Variants in IFT46 observed in about 807,000 individuals in gnomAD.
IFT46 encodes the protein intraflagellar transport 46.
IFT46 carries 19 observed loss-of-function variants against 39.6 expected under a neutral mutation model. The ratio of observed to expected loss-of-function variants is 0.48; its 90% CI spans 0.33 to 0.70. The LOEUF (loss-of-function observed/expected upper bound fraction) is 0.70. Ranked by LOEUF, IFT46 falls within the 30% of genes least tolerant of loss-of-function variation. The pLI is 0.01. For missense variants in IFT46, 334 were observed against 364.8 expected, an observed-to-expected ratio of 0.92 and a Z score of 0.69; for synonymous variants, 117 against 134.8, an observed-to-expected ratio of 0.87 and a Z score of 0.91.
At chr11:118,561,442 C>A (rs868940491) in intron 2 of IFT46, 8 of 797,116 alleles carry the variant, frequency 1.0e-5, no homozygotes, top group Non-Finnish European at 1.5e-5. Context: ...AGAATCCAGT[C>A]TATGAAAAGA....
At chr11:118,575,554 C>T (rs542559496), upstream of IFT46, among the ~76,000 whole-genome samples, 117 of 152,190 alleles carry the variant, frequency 7.7e-4, no homozygotes, top group Non-Finnish European at 1.3e-3. Flanking sequence ...TTATTGTAAT[C>T]TTCTCTCTGA....
chr11:118,561,969 T>C (rs1439736530), intron 2 of IFT46, among the ~76,000 whole-genome samples: 1 of 151,984 alleles, frequency 6.6e-6, no homozygotes, highest in African/African-American at 2.4e-5. Flanking sequence ...TGAAACCCTG[T>C]CTCTACAAAA....
intron 2 of IFT46, chr11:118,561,480 G>C: frequency 1.3e-6 from 1 of 784,288 alleles, no homozygotes; most frequent in East Asian, 2.5e-5. Context: ...AAAAAGAATA[G>C]GTGGAACTGT....
rs781995934 is a variant in IFT46, at chr11:118,555,077, T to G, written c.267A>C (p.Thr89=). ...KELFQYISRY[T]PQLIDLDHKL... Reference sequence around the variant, plus strand: ...TGTGGTCCAGGTCAATCAACTGAGGTGTGTACCTAGGAGATATTGCCAAGG... The same window carrying G: ...TGTGGTCCAGGTCAATCAACTGAGGGGTGTACCTAGGAGATATTGCCAAGG... Residue 89 remains threonine (T), a synonymous_variant, in exon 6 of 12, where the codon ACA becomes ACC. Transcript: ENST00000264021. The G allele has an allele frequency of 3.7e-6, 6 of 1,611,972 alleles. No individual in the cohort carries two copies. In the South Asian group the frequency reaches 6.6e-5, roughly 18 times the overall value.
intron 2 of IFT46, among the ~76,000 whole-genome samples, chr11:118,563,177 A>C (rs2135509989): frequency 6.6e-6 from 1 of 151,774 alleles, no homozygotes; most frequent in Non-Finnish European, 1.5e-5. Flanking sequence ...AAGTGAAGTA[A>C]GTCAGCCACA....
chr11:118,561,817 G>A (rs1938066850), intron 2 of IFT46, among the ~76,000 whole-genome samples: 1 of 152,118 alleles, frequency 6.6e-6, no homozygotes, highest in Admixed American at 6.6e-5. Flanking sequence ...AAAGATAAGA[G>A]CAATTTTTAA....
At position 118,559,769 on chromosome 11, in the gene IFT46, G is replaced by A. The variant is rs1367183658; in HGVS notation, c.45+16C>T. On this transcript the variant is annotated intron_variant, in intron 3 of 11. Coordinates refer to ENST00000264021, the MANE Select transcript of IFT46 (RefSeq NM_001168618.2). ...CAAAGCAGAAATTCTACAAGAAGCT[G>A]TGAGTTTTACTGTACCTTGTTATTT... 3 of 1,603,220 alleles carry A rather than the reference G, an allele frequency of 1.9e-6. No homozygotes were observed. The highest frequency in any genetic ancestry group is 2.6e-6 in the Non-Finnish European group (3 of 1,170,390).
intron 1 of IFT46, chr11:118,572,242 G>C (rs1374037245): frequency 9.4e-6 from 4 of 423,964 alleles, no homozygotes; most frequent in African/African-American, 8.0e-5. Context: ...CAGTGAAAGG[G>C]GAGAGATACG....
rs1555069195 is a variant in IFT46, at chr11:118,555,025, T to C, written c.319A>G (p.Ile107Val). 6 of 1,613,778 alleles carry C rather than the reference T, an allele frequency of 3.7e-6. No homozygotes were observed. The highest frequency in any genetic ancestry group is 1.3e-5 in the African/African-American group (1 of 74,902). ...GCATCAATATCCCCGACAGCTGGGATAAAATCAGGAATGAAAGGCTTCAGT... is the reference window on the plus strand; with the variant it reads ...GCATCAATATCCCCGACAGCTGGGACAAAATCAGGAATGAAAGGCTTCAGT... ...HKLKPFIPDF[I>V]PAVGDIDAFL... Residue 107 changes from isoleucine (I) to valine (V), a missense_variant, in exon 6 of 12, where the codon ATC becomes GTC. Ile to Val is a conservative substitution (Grantham distance 29, BLOSUM62 3). Transcript: ENST00000264021.
chr11:118,549,105 G>C (rs1951761865), intron 9 of IFT46, among the ~76,000 whole-genome samples: 1 of 151,386 alleles, frequency 6.6e-6, no homozygotes, highest in African/African-American at 2.4e-5. Context: ...TGCCATGTTG[G>C]CCAGGCTGGT....
chr11:118,575,515 A>T (rs1938474591), upstream of IFT46, among the ~76,000 whole-genome samples: 1 of 151,962 alleles, frequency 6.6e-6, no homozygotes, highest in Non-Finnish European at 1.5e-5. Flanking sequence ...TTACTTTTCA[A>T]GTTTTAGGTT....
At chr11:118,555,201 G>C in intron 5 of IFT46, 47 bp downstream of exon 5, 1 of 1,568,060 alleles carries the variant, frequency 6.4e-7, no homozygotes, top group Non-Finnish European at 8.8e-7. Context: ...GAAAGGTTTG[G>C]GGCAAGGTAG....
chr11:118,567,160 G>A (rs1938245693), upstream of IFT46, among the ~76,000 whole-genome samples: 1 of 151,902 alleles, frequency 6.6e-6, no homozygotes, highest in African/African-American at 2.4e-5. Context: ...AGGCTGAGGC[G>A]GGGGGATTGC....
At chr11:118,573,700 G>A (rs1938412386), upstream of IFT46, 1 of 701,698 alleles carries the variant, frequency 1.4e-6, no homozygotes. Context: ...AAGTTCTATT[G>A]ACAACCCTTT....
chr11:118,570,374 T>C (rs933674950), upstream of IFT46, among the ~76,000 whole-genome samples: 2 of 152,146 alleles, frequency 1.3e-5, no homozygotes, highest in African/African-American at 4.8e-5. Context: ...GAAAACTGAC[T>C]TTGAACTTGG....
In IFT46 at chr11:118,554,468, G is replaced by T; in HGVS notation, c.474C>A (p.His158Gln). 6.2e-7 allele frequency: 1 copy of T among 1,609,098 alleles called. No individual in the cohort carries two copies. The highest frequency in any genetic ancestry group is 8.5e-7 in the Non-Finnish European group (1 of 1,178,322). Reference protein sequence around the residue: ...SLWLTENSKQHNITQHMKVKS... With the variant: ...SLWLTENSKQQNITQHMKVKS... ...TAAGCTAGTATCTTACTGTGATGTTGTGCTGCTTAGAATTCTCTGTTAACC... is the reference window on the plus strand; with the variant it reads ...TAAGCTAGTATCTTACTGTGATGTTTTGCTGCTTAGAATTCTCTGTTAACC... The change falls in exon 7 of 12, where the codon CAC (histidine) becomes CAA (glutamine). Residue 158 changes from histidine (H) to glutamine (Q), a missense_variant. Transcript: ENST00000264021.
At chr11:118,569,302 T>A (rs185809568), upstream of IFT46, among the ~76,000 whole-genome samples, 355 of 151,560 alleles carry the variant, frequency 2.3e-3, 5 homozygotes, top group East Asian at 0.017. Flanking sequence ...TTTTTTTTTT[T>A]AAAATATTGA....
exon 1 of IFT46, chr11:118,572,838 C>T (rs910481303): frequency 4.8e-6 from 2 of 420,766 alleles, no homozygotes; most frequent in Non-Finnish European, 8.5e-6. Context: ...CGTTTTTGCT[C>T]TGCGAGAACT....
chr11:118,574,297 G>T, upstream of IFT46, among the ~76,000 whole-genome samples: 1 of 151,898 alleles, frequency 6.6e-6, no homozygotes, highest in Non-Finnish European at 1.5e-5. Flanking sequence ...AATGTTTTTG[G>T]GTCCTGCTCC....
Sources: allele counts gnomAD v4.1 joint callset (sites outside exome capture counted in the v4.1 genomes callset), GRCh38; gene constraint gnomAD v4.1.1; transcripts MANE v1.5; gene names NCBI Gene and HGNC (gene_info 2026-07-23, HGNC 2026-07-21).